Variants in CAPRIN1 observed in about 807,000 individuals in gnomAD.
CAPRIN1 encodes the protein caprin-1.
A neutral mutation model predicts 100.9 loss-of-function variants in CAPRIN1; 29 were observed. That is an observed-to-expected ratio of 0.29 (90% CI 0.21 to 0.39). CAPRIN1 has a LOEUF of 0.39. Among genes scored for constraint, CAPRIN1 ranks in the 10% least tolerant of loss-of-function variants. The probability of loss-of-function intolerance (pLI) is 1.00; values close to 1 mark genes in which losing one functional copy is unlikely to be tolerated. For synonymous variants in CAPRIN1, 338 were observed against 307.5 expected (o/e 1.10, Z -1.04); for missense variants, 795 against 876.7 (o/e 0.91, Z 1.18).
Position 34,089,416 on chromosome 11 carries a change from C to G in CAPRIN1, c.1253C>G (p.Ala418Gly). 1.2e-6 allele frequency: 2 copies of G among 1,606,940 alleles called. No homozygotes were observed. The highest frequency in any genetic ancestry group is 1.1e-5 in the South Asian group (1 of 90,718). ...CPPVHSESRL[A>G]QPNQVPVQPE... ...GCAGTTCATTCTGAATCTAGACTTG[C>G]TCAGCCTAATCAAGTTCCTGTACAA... The change falls in exon 12 of 19, where the codon GCT becomes GGT. Residue 418 changes from alanine (A) to glycine (G), a missense_variant. Ala to Gly is a moderately conservative substitution (Grantham distance 60). Around this residue, in one of 3 missense-constraint regions of CAPRIN1, gnomAD observed 648 missense variants for 697.9 expected, o/e 0.93. Coordinates refer to ENST00000341394, the MANE Select transcript of CAPRIN1 (RefSeq NM_005898.5).
At chr11:34,058,062 C>G (rs1850491345) in intron 2 of CAPRIN1, among the ~76,000 whole-genome samples, 1 of 151,844 alleles carries the variant, frequency 6.6e-6, no homozygotes, top group South Asian at 2.1e-4. Context: ...AGAATTTAGT[C>G]CAGTTCATTT....
In CAPRIN1 at chr11:34,059,894, T is replaced by C. The variant is rs912399834; in HGVS notation, c.216+7258T>C. Among the ~76,000 whole-genome samples the C allele has an allele frequency of 2.0e-5, 3 of 150,858 alleles. No individual in the cohort carries two copies. In the East Asian group the frequency reaches 5.8e-4, roughly 29 times the overall value. The stretch of plus-strand genomic sequence containing the variant: ...TAGAAGAATACTTTTTTTTTTTTTT[T>C]TTTTTTAAGCTGGGTAGCAGGCTGG... On this transcript the variant is annotated intron_variant, in intron 2 of 18. Coordinates refer to ENST00000341394, the MANE Select transcript of CAPRIN1 (RefSeq NM_005898.5).
At position 34,076,600 on chromosome 11, in the gene CAPRIN1, G is replaced by T; in HGVS notation, c.646G>T (p.Asp216Tyr). Residue 216 changes from aspartate (D) to tyrosine (Y), a missense_variant, in exon 6 of 19, where the codon GAC becomes TAC. Transcript: ENST00000341394. ...QYEHASIHLWDLLEGKEKPVC... is the reference protein window; with the variant it reads ...QYEHASIHLWYLLEGKEKPVC... ...TGAACATGCCTCCATTCACCTGTGGGACCTGCTGGAAGGGAAGGAAAAACC... is the reference window on the plus strand; with the variant it reads ...TGAACATGCCTCCATTCACCTGTGGTACCTGCTGGAAGGGAAGGAAAAACC... 6.2e-7 allele frequency: 1 copy of T among 1,614,014 alleles called. No homozygotes were observed. Among genetic ancestry groups the T allele is most frequent in the Non-Finnish European group, 8.5e-7 (1 of 1,179,900 alleles).
intron 11 of CAPRIN1, among the ~76,000 whole-genome samples, chr11:34,088,977 T>C (rs1376949580): frequency 6.6e-6 from 1 of 152,080 alleles, no homozygotes; most frequent in Non-Finnish European, 1.5e-5. Flanking sequence ...TATAGAAATT[T>C]ACCTTTAATT....
chr11:34,078,067 G>A (rs1218173698), intron 6 of CAPRIN1, among the ~76,000 whole-genome samples: 1 of 152,106 alleles, frequency 6.6e-6, no homozygotes, highest in Non-Finnish European at 1.5e-5. Flanking sequence ...CCACATCTTA[G>A]GAATGTAACA....
intron 2 of CAPRIN1, 56 bp downstream of exon 2, chr11:34,052,692 T>A (rs1850350870): frequency 6.6e-7 from 1 of 1,520,350 alleles, no homozygotes; most frequent in Non-Finnish European, 8.9e-7. Flanking sequence ...CTGCGGCCCC[T>A]CCGACCCTGG....
At chr11:34,066,077 C>T (rs896381538) in intron 2 of CAPRIN1, among the ~76,000 whole-genome samples, 2 of 152,040 alleles carry the variant, frequency 1.3e-5, no homozygotes, top group Non-Finnish European at 2.9e-5. Flanking sequence ...TCACCCTCCC[C>T]AGACTCAGTG....
Position 34,096,682 on chromosome 11 carries a change from AT to A in CAPRIN1, c.1900+10del. 1 of 1,577,692 alleles carries A rather than the reference AT, an allele frequency of 6.3e-7. No homozygotes were observed. The highest frequency in any genetic ancestry group is 8.6e-7 in the Non-Finnish European group (1 of 1,157,460). On this transcript the variant is annotated intron_variant, in intron 16 of 18. Coordinates refer to ENST00000341394, the MANE Select transcript of CAPRIN1 (RefSeq NM_005898.5). ...TGCCAATGGATTCAGAGGTAAAAAAATAAAAAAGGAGGTTCTAATGACCTTT... is the reference window on the plus strand; with the variant it reads ...TGCCAATGGATTCAGAGGTAAAAAAAAAAAAAGGAGGTTCTAATGACCTTT...
At chr11:34,053,291 T>G (rs889924299) in intron 2 of CAPRIN1, 2 of 315,774 alleles carry the variant, frequency 6.3e-6, no homozygotes, top group Non-Finnish European at 9.2e-6. Flanking sequence ...TTCAATTGTT[T>G]AGGTGTCCCC....
intron 2 of CAPRIN1, 118 bp from the exon 3 acceptor site, chr11:34,071,608 G>A: frequency 2.7e-6 from 2 of 732,948 alleles, no homozygotes; most frequent in Non-Finnish European, 4.5e-6. Context: ...TATCTTAAAA[G>A]TTTATTTAAG....
At chr11:34,074,607 G>T (rs1392882158) in intron 4 of CAPRIN1, among the ~76,000 whole-genome samples, 2 of 152,152 alleles carry the variant, frequency 1.3e-5, no homozygotes, top group African/African-American at 4.8e-5. Flanking sequence ...CCTGGGCAGG[G>T]TGTGGTTGCT....
intron 2 of CAPRIN1, chr11:34,055,917 C>G (rs1295259075): frequency 2.0e-5 from 3 of 152,030 alleles, no homozygotes; most frequent in African/African-American, 7.3e-5. Flanking sequence ...TATCTTTTGC[C>G]CTTTGAAAAA....
intron 9 of CAPRIN1, among the ~76,000 whole-genome samples, chr11:34,085,790 C>T (rs923815462): frequency 6.6e-6 from 1 of 151,948 alleles, no homozygotes; most frequent in East Asian, 1.9e-4. Context: ...GGTTACAGAG[C>T]TAGATTCCGT....
intron 6 of CAPRIN1, 87 bp downstream of exon 6, chr11:34,076,729 AAAAT>A: frequency 9.9e-7 from 1 of 1,008,636 alleles, no homozygotes; most frequent in South Asian, 1.5e-5. Context: ...TTGGAAGAAA[AAAAT>A]TAGTTTTTTT....
rs1453994893 is a variant in CAPRIN1 at position 34,090,799 on chromosome 11, G to A, written c.1554+121G>A. On this transcript the variant is annotated intron_variant, in intron 14 of 18. Transcript: ENST00000341394. ...AGTCTGCATCTTTCATTAACTGTAG[G>A]GTATATTTAATTGAACATAAACTGA... 89 of 772,568 alleles carry A rather than the reference G, an allele frequency of 1.2e-4. No homozygotes were observed. In the South Asian group the frequency reaches 1.6e-3, roughly 14 times the overall value. 47.9% of individuals were successfully genotyped at this position (772,568 alleles called of 1,614,324 possible). A position where few individuals can be genotyped will look rare whatever the true frequency, so the allele number is the denominator to read the frequency against.
rs1019888137 is a variant in CAPRIN1, at chr11:34,076,398, A to T, written c.529A>T (p.Ile177Leu). The T allele has an allele frequency of 3.7e-6, 6 of 1,614,218 alleles. No homozygotes were observed. In the South Asian group the frequency reaches 5.5e-5, roughly 15 times the overall value. The change falls in exon 5 of 19, where the codon ATA becomes TTA. Residue 177 changes from isoleucine (I) to leucine (L), a missense_variant. Transcript: ENST00000341394. ...GAAACAAGGTTTGAATGGAGTGCCA[A>T]TATTGTCCGAAGAGGAGTTGTCATT... ...DLKQGLNGVPILSEEELSLLD... is the reference protein window; with the variant it reads ...DLKQGLNGVPLLSEEELSLLD...
intron 1 of CAPRIN1, 88 bp from the exon 2 acceptor site, chr11:34,052,333 T>G: frequency 9.2e-7 from 1 of 1,090,758 alleles, no homozygotes; most frequent in Non-Finnish European, 1.3e-6. Context: ...CGCTGCGCGT[T>G]TTGTCCCGCG....
intron 18 of CAPRIN1, 172 bp downstream of exon 18, chr11:34,097,933 T>A: frequency 7.3e-7 from 1 of 1,367,698 alleles, no homozygotes. Flanking sequence ...AAATTTTAAT[T>A]TTTGAATGAT....
chr11:34,081,751 G>T (rs2134118175), intron 7 of CAPRIN1, among the ~76,000 whole-genome samples: 1 of 152,190 alleles, frequency 6.6e-6, no homozygotes, highest in African/African-American at 2.4e-5. Context: ...GCCCACATTG[G>T]CCTCCCAAAG....
Sources: gnomAD v4.1 joint callset for allele counts (sites outside exome capture counted in the v4.1 genomes callset) on GRCh38, gnomAD v4.1.1 for gene constraint, gnomAD v4.1.1 regional missense constraint, MANE v1.5 for transcripts, NCBI Gene and HGNC (gene_info 2026-07-23, HGNC 2026-07-21) for gene names.